DPYD: variants seen among roughly 807,000 people sequenced by gnomAD.
The protein encoded by DPYD is dihydropyrimidine dehydrogenase [NADP(+)].
DPYD carries 109 observed loss-of-function variants against 116.2 expected under a neutral mutation model. The observed-to-expected ratio is 0.94, with a 90% CI of 0.80 to 1.10. The LOEUF (loss-of-function observed/expected upper bound fraction) is 1.10, where lower values mean the gene tolerates loss of function less well. DPYD is among the 50% of genes least tolerant of loss of function. The pLI is 0.00. For missense variants in DPYD, 1,302 were observed against 1,254.5 expected, an observed-to-expected ratio of 1.04 and a Z score of -0.57; for synonymous variants, 440 against 432.0, an observed-to-expected ratio of 1.02 and a Z score of -0.23.
chr1:97,200,337 T>C (rs546671230), intron 19 of DPYD, among the ~76,000 whole-genome samples: 1 of 152,316 alleles, frequency 6.6e-6, no homozygotes, highest in Non-Finnish European at 1.5e-5. Context: ...TCAAATTTAC[T>C]GTAAATTCAT....
At chr1:97,756,793 G>A (rs752207204) in intron 3 of DPYD, among the ~76,000 whole-genome samples, 78 of 152,098 alleles carry the variant, frequency 5.1e-4, no homozygotes, top group Admixed American at 8.5e-4. Flanking sequence ...CTTTAGTAAT[G>A]CTAATACAAA....
chr1:97,488,374 A>C (rs575524317), intron 13 of DPYD, among the ~76,000 whole-genome samples: 1 of 152,280 alleles, frequency 6.6e-6, no homozygotes, highest in East Asian at 1.9e-4. Context: ...GTGGTGGTAA[A>C]TACATGAACC....
chr1:97,231,249 C>T (rs927838472), intron 19 of DPYD, among the ~76,000 whole-genome samples: 1 of 152,166 alleles, frequency 6.6e-6, no homozygotes, highest in Non-Finnish European at 1.5e-5. Context: ...CTTACAGGTC[C>T]TGTGATGGAA....
chr1:97,349,874 G>A (rs767850661), intron 16 of DPYD, among the ~76,000 whole-genome samples: 1 of 151,108 alleles, frequency 6.6e-6, no homozygotes, highest in Non-Finnish European at 1.5e-5. Flanking sequence ...TAATGGGATG[G>A]CTGTGTCAAA....
intron 2 of DPYD, among the ~76,000 whole-genome samples, chr1:97,851,156 T>C (rs1035668537): frequency 2.6e-5 from 4 of 151,816 alleles, no homozygotes; most frequent in Admixed American, 6.6e-5. Flanking sequence ...CAAAAATATA[T>C]AGGGAAGGAC....
intron 18 of DPYD, among the ~76,000 whole-genome samples, chr1:97,241,660 G>C (rs1165062261): frequency 6.6e-6 from 1 of 151,840 alleles, no homozygotes; most frequent in Admixed American, 6.6e-5. Flanking sequence ...CAACCAATTA[G>C]GTGTAAGTCT....
At chr1:97,216,464 G>A (rs1434569678) in intron 19 of DPYD, among the ~76,000 whole-genome samples, 1 of 152,110 alleles carries the variant, frequency 6.6e-6, no homozygotes, top group African/African-American at 2.4e-5. Context: ...TAAAATATGA[G>A]TAAACGGTTT....
At chr1:97,895,580 T>C (rs1673017456) in intron 1 of DPYD, among the ~76,000 whole-genome samples, 2 of 151,848 alleles carry the variant, frequency 1.3e-5, no homozygotes, top group South Asian at 4.1e-4. Context: ...AGAACTGATA[T>C]GATAAAAATG....
At chr1:97,183,829 T>C (rs887581766) in intron 20 of DPYD, among the ~76,000 whole-genome samples, 4 of 152,088 alleles carry the variant, frequency 2.6e-5, no homozygotes, top group African/African-American at 9.7e-5. Flanking sequence ...ACTCGTGTCA[T>C]GGGGGTTCAT....
At chr1:97,360,478 C>T (rs1444533526) in intron 16 of DPYD, among the ~76,000 whole-genome samples, 5 of 152,148 alleles carry the variant, frequency 3.3e-5, no homozygotes, top group Admixed American at 6.5e-5. Context: ...CAGAACTCTC[C>T]ACCCCAAATC....
intron 12 of DPYD, chr1:97,545,906 T>C: frequency 3.7e-6 from 4 of 1,074,154 alleles, no homozygotes; most frequent in Non-Finnish European, 2.9e-6. Context: ...ATTTAAACTA[T>C]CCAGGATTTG....
At chr1:97,878,856 G>T (rs1381912410) in intron 2 of DPYD, among the ~76,000 whole-genome samples, 2 of 151,780 alleles carry the variant, frequency 1.3e-5, no homozygotes, top group Admixed American at 6.6e-5. Flanking sequence ...TCTTGGCAAG[G>T]CCTATGTCAC....
chr1:97,625,445 A>C (rs984491963), intron 8 of DPYD, among the ~76,000 whole-genome samples: 2 of 152,032 alleles, frequency 1.3e-5, no homozygotes, highest in African/African-American at 4.8e-5. Flanking sequence ...TATAGATGAT[A>C]TATCAATGGG....
At chr1:97,724,896 G>A (rs1243449868) in intron 4 of DPYD, among the ~76,000 whole-genome samples, 1 of 148,184 alleles carries the variant, frequency 6.7e-6, no homozygotes, top group African/African-American at 2.5e-5. Flanking sequence ...GACAGAGTGG[G>A]GAGGGATAGA....
chr1:97,473,804 T>A (rs1356393304), intron 13 of DPYD, among the ~76,000 whole-genome samples: 5 of 152,000 alleles, frequency 3.3e-5, no homozygotes, highest in Non-Finnish European at 7.4e-5. Flanking sequence ...CCCAGTAGTT[T>A]GAGACCAGCC....
At chr1:97,817,548 T>A (rs1303402801) in intron 3 of DPYD, among the ~76,000 whole-genome samples, 6 of 152,098 alleles carry the variant, frequency 3.9e-5, no homozygotes, top group Non-Finnish European at 8.8e-5. Flanking sequence ...TAGTATATTG[T>A]GACATATATA....
chr1:97,445,708 A>T (rs1056770506), intron 14 of DPYD, among the ~76,000 whole-genome samples: 10 of 148,448 alleles, frequency 6.7e-5, no homozygotes, highest in African/African-American at 2.5e-4. Flanking sequence ...CTCCTTTCTA[A>T]ATGTATAAAT....
At chr1:97,912,026 T>C (rs1308234784) in intron 1 of DPYD, among the ~76,000 whole-genome samples, 2 of 152,062 alleles carry the variant, frequency 1.3e-5, no homozygotes, top group African/African-American at 4.8e-5. Flanking sequence ...GGGAACTACA[T>C]CCAGATGCCT....
At chr1:97,724,296 GGGGGGGGGGGGGT>G (rs1663086664) in intron 4 of DPYD, among the ~76,000 whole-genome samples, 8 of 137,754 alleles carry the variant, frequency 5.8e-5, no homozygotes, top group African/African-American at 2.2e-4. Context: ...ATGTATGTGG[GGGGGGGGGGGGGT>G]GTGTGTGTGT....
Sources: gnomAD v4.1 joint callset for allele counts (sites outside exome capture counted in the v4.1 genomes callset) on GRCh38, gnomAD v4.1.1 for gene constraint, MANE v1.5 for transcripts, NCBI Gene and HGNC (gene_info 2026-07-23, HGNC 2026-07-21) for gene names.